The following MINDY2 variants were observed in gnomAD, a reference collection of about 807,000 sequenced individuals.
The protein encoded by MINDY2 is ubiquitin carboxyl-terminal hydrolase MINDY-2.
In MINDY2, 52 loss-of-function variants were observed where a neutral mutation model predicts 68.2. That is an observed-to-expected ratio of 0.76 (90% confidence interval 0.61 to 0.96). MINDY2 has a LOEUF of 0.96. Among genes scored for constraint, MINDY2 ranks in the 40% least tolerant of loss-of-function variants. MINDY2 has a pLI of 0.00. For missense variants in MINDY2, 881 were observed against 773.4 expected, an observed-to-expected ratio of 1.14 and a Z score of -1.65; for synonymous variants, 372 against 303.0, an observed-to-expected ratio of 1.23 and a Z score of -2.36.
intron 3 of MINDY2, among the ~76,000 whole-genome samples, chr15:58,807,430 A>G (rs1265182060): frequency 7.4e-6 from 1 of 135,200 alleles, no homozygotes; most frequent in East Asian, 2.2e-4. Flanking sequence ...ATCTCCACTC[A>G]CTGCAAGCTC....
At position 58,772,015 on chromosome 15, in the gene MINDY2, G is replaced by C. The variant is rs773072005; in HGVS notation, c.620G>C (p.Gly207Ala). Residue 207 changes from glycine to alanine, a missense_variant, in exon 1 of 9, where the codon GGC becomes GCC. Gly to Ala is a moderately conservative substitution (Grantham distance 60, BLOSUM62 0). Coordinates refer to ENST00000559228, the MANE Select transcript of MINDY2 (RefSeq NM_001040450.3). ...AACAGGGTCCCTGAGGAGGAGGAGG[G>C]CGCGGCGGTGTTGCCCGGGGCTGTT... ...AENRVPEEEEGAAVLPGAVPL... is the reference protein window; with the variant it reads ...AENRVPEEEEAAAVLPGAVPL... 6.3e-7 allele frequency: 1 copy of C among 1,596,412 alleles called. No homozygotes were observed. Among genetic ancestry groups the C allele is most frequent in the South Asian group, 1.1e-5 (1 of 88,028 alleles).
chr15:58,792,324 C>T (rs1314216274), intron 2 of MINDY2, among the ~76,000 whole-genome samples: 1 of 152,226 alleles, frequency 6.6e-6, no homozygotes, highest in Non-Finnish European at 1.5e-5. Flanking sequence ...TAAAAATGTT[C>T]AGGCCACACG....
chr15:58,849,330 G>A (rs546001567), intron 7 of MINDY2, among the ~76,000 whole-genome samples: 2 of 152,056 alleles, frequency 1.3e-5, no homozygotes, highest in South Asian at 2.1e-4. Context: ...GTGAAACCCC[G>A]TCTTTAATTA....
At chr15:58,788,048 G>A in intron 2 of MINDY2, 85 bp downstream of exon 2, 1 of 872,154 alleles carries the variant, frequency 1.1e-6, no homozygotes, top group Non-Finnish European at 1.8e-6. Flanking sequence ...CCTTTCTGAA[G>A]TGCTATTATA....
Position 58,772,236 on chromosome 15 carries a change from G to T in MINDY2, c.840+1G>T, listed in dbSNP as rs1171135797. ...CAATGTTTTGCTCCTGGCCTGGAAG[G>T]TACATTCTGCAGCTTTCTACTTCCT... On this transcript the variant is annotated splice_donor_variant, in intron 1 of 8. Coordinates refer to ENST00000559228, the MANE Select transcript of MINDY2 (RefSeq NM_001040450.3). LOFTEE classifies it high-confidence loss of function. The T allele has an allele frequency of 6.2e-7, 1 of 1,609,552 alleles. No individual in the cohort carries two copies. Among genetic ancestry groups the T allele is most frequent in the South Asian group, 1.1e-5 (1 of 91,080 alleles).
chr15:58,835,645 C>G (rs62002456), intron 6 of MINDY2, among the ~76,000 whole-genome samples: 20,086 of 152,076 alleles, frequency 0.13, 1,834 homozygotes, highest in South Asian at 0.33. Flanking sequence ...AAGAGCGAAA[C>G]TCTGTCTCAG....
intron 3 of MINDY2, among the ~76,000 whole-genome samples, chr15:58,806,079 A>G (rs1217307149): frequency 2.6e-5 from 4 of 152,192 alleles, no homozygotes; most frequent in African/African-American, 4.8e-5. Context: ...GTCTCAAAAA[A>G]ACAACAAAAG....
intron 5 of MINDY2, among the ~76,000 whole-genome samples, chr15:58,827,509 G>A (rs1229348233): frequency 4.6e-5 from 7 of 152,038 alleles, no homozygotes; most frequent in Non-Finnish European, 1.0e-4. Flanking sequence ...TGTCATCCAG[G>A]CTGGAGTGTA....
At chr15:58,778,691 A>G (rs1431846648) in intron 1 of MINDY2, among the ~76,000 whole-genome samples, 6 of 151,814 alleles carry the variant, frequency 4.0e-5, no homozygotes, top group Non-Finnish European at 7.4e-5. Context: ...TGGTGGTGCA[A>G]TCATGGCTCC....
intron 6 of MINDY2, among the ~76,000 whole-genome samples, chr15:58,833,350 T>A (rs2031834718): frequency 6.6e-6 from 1 of 152,146 alleles, no homozygotes; most frequent in African/African-American, 2.4e-5. Flanking sequence ...CTTGAAGGAG[T>A]GGGTTGCCCC....
chr15:58,841,129 G>C (rs947689270), intron 6 of MINDY2, among the ~76,000 whole-genome samples: 1 of 150,672 alleles, frequency 6.6e-6, no homozygotes, highest in Non-Finnish European at 1.5e-5. Context: ...TTATAGGCGC[G>C]CACCACCATG....
At chr15:58,839,913 A>C (rs1242260330) in intron 6 of MINDY2, among the ~76,000 whole-genome samples, 1 of 151,002 alleles carries the variant, frequency 6.6e-6, no homozygotes, top group Non-Finnish European at 1.5e-5. Flanking sequence ...GCTCACTGCA[A>C]CCTCCACCTC....
At chr15:58,831,200 A>C (rs935948908) in intron 5 of MINDY2, among the ~76,000 whole-genome samples, 1 of 152,012 alleles carries the variant, frequency 6.6e-6, no homozygotes, top group Non-Finnish European at 1.5e-5. Flanking sequence ...GGCATAAAAA[A>C]CCATTAAAAA....
chr15:58,844,457 C>T (rs995762663), intron 6 of MINDY2, among the ~76,000 whole-genome samples: 51 of 149,070 alleles, frequency 3.4e-4, no homozygotes, highest in African/African-American at 1.1e-3. Context: ...GAGGCTGAGG[C>T]GGGAGAATGG....
rs1452757450 is a variant in MINDY2, at chr15:58,859,591, T to G, written c.*4981T>G. 6.6e-6 allele frequency: 1 copy of G among 152,202 alleles called. No individual in the cohort carries two copies. The highest frequency in any genetic ancestry group is 1.5e-5 in the Non-Finnish European group (1 of 68,034). 9.4% of individuals were successfully genotyped at this position (152,202 alleles called of 1,614,324 possible). A position where few individuals can be genotyped will look rare whatever the true frequency, so the allele number is the denominator to read the frequency against. ...ACATGAAGAATTGAGGTTACTCTTCTCAGGTGACACTTTAAATATTAAAAT... is the reference window on the plus strand; with the variant it reads ...ACATGAAGAATTGAGGTTACTCTTCGCAGGTGACACTTTAAATATTAAAAT... On this transcript the variant is annotated 3_prime_UTR_variant, in exon 9 of 9. Transcript: ENST00000559228.
At chr15:58,787,503 C>T (rs1453889746) in intron 1 of MINDY2, among the ~76,000 whole-genome samples, 1 of 151,618 alleles carries the variant, frequency 6.6e-6, no homozygotes, top group African/African-American at 2.4e-5. Flanking sequence ...TTTGGGAGGC[C>T]GAGGCAGGTG....
intron 6 of MINDY2, among the ~76,000 whole-genome samples, chr15:58,833,915 T>G (rs1185131969): frequency 6.6e-6 from 1 of 152,126 alleles, no homozygotes; most frequent in East Asian, 1.9e-4. Flanking sequence ...GGTCTTTCCC[T>G]TCCCACGAGG....
At chr15:58,793,226 G>C (rs1902055742) in intron 2 of MINDY2, among the ~76,000 whole-genome samples, 1 of 152,112 alleles carries the variant, frequency 6.6e-6, no homozygotes, top group Admixed American at 6.6e-5. Context: ...TGAGGTGGGT[G>C]GTTCACTGGA....
chr15:58,841,547 A>C (rs2032286613), intron 6 of MINDY2, among the ~76,000 whole-genome samples: 1 of 151,856 alleles, frequency 6.6e-6, no homozygotes, highest in African/African-American at 2.4e-5. Flanking sequence ...CTGGGATTAC[A>C]GGTGCATACC....
Sources: gnomAD v4.1 joint callset for allele counts (sites outside exome capture counted in the v4.1 genomes callset) on GRCh38, gnomAD v4.1.1 for gene constraint, MANE v1.5 for transcripts, NCBI Gene and HGNC (gene_info 2026-07-23, HGNC 2026-07-21) for gene names.